Variants in MDN1 observed in about 807,000 individuals in gnomAD.
MDN1 encodes the protein midasin AAA ATPase 1.
Under a neutral mutation model 669.2 loss-of-function variants are expected in MDN1, and 266 were observed. The observed-to-expected ratio is 0.40, with a 90% confidence interval of 0.36 to 0.44. The LOEUF is 0.44. Among genes scored for constraint, MDN1 ranks in the 20% least tolerant of loss-of-function variants. MDN1 has a pLI of 1.00. For synonymous variants in MDN1, 2,385 were observed against 2,457.1 expected (o/e 0.97, Z 0.87); for missense variants, 5,940 against 6,754.0 (o/e 0.88, Z 4.22).
At chr6:89,676,249 C>T in intron 76 of MDN1, 42 bp from the exon 77 acceptor site, 1 of 1,548,556 alleles carries the variant, frequency 6.5e-7, no homozygotes, top group East Asian at 2.2e-5. Flanking sequence ...TAAAACCACG[C>T]TCTCCCACCC....
At chr6:89,719,816 A>G (rs748115069) in intron 40 of MDN1, among the ~76,000 whole-genome samples, 1 of 152,218 alleles carries the variant, frequency 6.6e-6, no homozygotes, top group South Asian at 2.1e-4. Flanking sequence ...TTATCCCTCC[A>G]AACATTTATG....
intron 97 of MDN1, among the ~76,000 whole-genome samples, chr6:89,648,807 T>C (rs554948074): frequency 9.4e-4 from 93 of 98,476 alleles, no homozygotes; most frequent in African/African-American, 3.5e-3. Context: ...CCTGTAACCC[T>C]GTCTTCAAAA....
intron 7 of MDN1, among the ~76,000 whole-genome samples, chr6:89,789,395 T>G (rs961219504): frequency 6.6e-6 from 1 of 152,176 alleles, no homozygotes; most frequent in African/African-American, 2.4e-5. Context: ...CCTCTGTAGC[T>G]GCCACCACTA....
chr6:89,690,645 A>T (rs749004450), intron 64 of MDN1, 28 bp downstream of exon 64: 5 of 1,613,110 alleles, frequency 3.1e-6, no homozygotes, highest in Non-Finnish European at 4.2e-6. Context: ...AATTCATTCC[A>T]AAACACACCC....
intron 77 of MDN1, 114 bp downstream of exon 77, chr6:89,675,988 T>C (rs1324547891): frequency 1.1e-6 from 1 of 880,268 alleles, no homozygotes; most frequent in African/African-American, 1.7e-5. Context: ...TGCAAAAAGC[T>C]CAGTTCCACT....
In MDN1 at chr6:89,695,456, A is replaced by C; in HGVS notation, c.9771+149T>G. 1.0e-6 allele frequency: 1 copy of C among 995,936 alleles called. No individual in the cohort carries two copies. Among genetic ancestry groups the C allele is most frequent in the Non-Finnish European group, 1.4e-6 (1 of 692,130 alleles). The allele number at this position is 995,936 out of a possible 1,614,324, so 61.7% of individuals were successfully genotyped here. ...TCAAAGGGGAAAATACAGTCTCTAAAACAGACTCCTGGGAAGTCATAAGGC... is the reference window on the plus strand; with the variant it reads ...TCAAAGGGGAAAATACAGTCTCTAACACAGACTCCTGGGAAGTCATAAGGC... On this transcript the variant is annotated intron_variant, in intron 61 of 101. Coordinates refer to ENST00000369393, the MANE Select transcript of MDN1 (RefSeq NM_014611.3). The surrounding 1 kb of genome is among the most constrained non-coding windows in gnomAD (Gnocchi z 4.1).
intron 27 of MDN1, 133 bp from the exon 28 acceptor site, chr6:89,745,759 C>G: frequency 1.2e-6 from 1 of 838,646 alleles, no homozygotes; most frequent in Non-Finnish European, 1.8e-6. Context: ...AGAACTAGGA[C>G]AGCCTATTAC....
intron 15 of MDN1, among the ~76,000 whole-genome samples, chr6:89,767,925 C>T (rs1250795665): frequency 6.6e-6 from 1 of 151,874 alleles, no homozygotes; most frequent in Non-Finnish European, 1.5e-5. Flanking sequence ...CCTGTAGTCC[C>T]AACTACTCAG....
chr6:89,732,530 G>A (rs1265182997), intron 34 of MDN1, 27 bp downstream of exon 34: 1 of 1,606,128 alleles, frequency 6.2e-7, no homozygotes, highest in East Asian at 2.2e-5. Flanking sequence ...CGAGCCCCTT[G>A]TCCCCACCAG....
At position 89,671,089 on chromosome 6, in the gene MDN1, A is replaced by G; in HGVS notation, c.13795-9T>C. 2 of 1,612,242 alleles carry G rather than the reference A, an allele frequency of 1.2e-6. No homozygotes were observed. Among genetic ancestry groups the G allele is most frequent in the Non-Finnish European group, 8.5e-7 (1 of 1,179,172 alleles). On this transcript the variant is annotated splice_polypyrimidine_tract_variant and intron_variant, in intron 82 of 101. Coordinates refer to ENST00000369393, the MANE Select transcript of MDN1 (RefSeq NM_014611.3). Reference sequence around the variant, plus strand: ...CAGGATTGGCTGAAGAACTGAGACCAAAACAAAACAAAAGGCCTGCTCACA... The same window carrying G: ...CAGGATTGGCTGAAGAACTGAGACCGAAACAAAACAAAAGGCCTGCTCACA...
chr6:89,680,878 C>A, intron 73 of MDN1, 127 bp from the exon 74 acceptor site: 1 of 1,004,008 alleles, frequency 1.0e-6, no homozygotes, highest in East Asian at 2.6e-5. Flanking sequence ...ACAAATGTAG[C>A]ATCACTAAAA....
chr6:89,672,520 C>G lies in MDN1; in HGVS notation c.13630+27G>C. 3 of 1,601,600 alleles carry G rather than the reference C, an allele frequency of 1.9e-6. 1 individual carries two copies. Among genetic ancestry groups the G allele is most frequent in the Non-Finnish European group, 2.6e-6 (3 of 1,174,310 alleles). ...TACAAAAATTAAATCAGGCATGAAA[C>G]TAATTTCTGCCTGATTTCAGACATA... On this transcript the variant is annotated intron_variant, in intron 81 of 101. Transcript: ENST00000369393.
chr6:89,747,615 G>A (rs1816705448), intron 26 of MDN1, 145 bp from the exon 27 acceptor site: 1 of 958,886 alleles, frequency 1.0e-6, no homozygotes, highest in South Asian at 1.8e-5. Flanking sequence ...TTTTTGGCCG[G>A]GCGTGGTGGC....
At chr6:89,721,893 A>G (rs1473827086) in intron 40 of MDN1, among the ~76,000 whole-genome samples, 3 of 152,216 alleles carry the variant, frequency 2.0e-5, no homozygotes, top group Non-Finnish European at 4.4e-5. Flanking sequence ...ACATGTTCAC[A>G]TTTCAACAAG....
intron 11 of MDN1, among the ~76,000 whole-genome samples, chr6:89,779,338 T>C (rs1818524674): frequency 6.6e-6 from 1 of 152,212 alleles, no homozygotes; most frequent in African/African-American, 2.4e-5. Context: ...CGCTATGATT[T>C]GGTCTTCTGT....
intron 65 of MDN1, 70 bp downstream of exon 65, chr6:89,689,799 CA>C (rs1812254795): frequency 4.6e-6 from 7 of 1,510,116 alleles, no homozygotes; most frequent in Non-Finnish European, 6.3e-6. Context: ...GTGATTGTTA[CA>C]GAGTAGCAAC....
At chr6:89,794,552 G>A in intron 3 of MDN1, 25 bp downstream of exon 3, 2 of 1,603,730 alleles carry the variant, frequency 1.2e-6, no homozygotes, top group Non-Finnish European at 1.7e-6. Context: ...CACTAGAAGT[G>A]CAAAAAAGTC....
At chr6:89,729,268 G>T in intron 35 of MDN1, 129 bp from the exon 36 acceptor site, 1 of 700,214 alleles carries the variant, frequency 1.4e-6, no homozygotes, top group Non-Finnish European at 2.3e-6. Context: ...CAGTGAAAAT[G>T]TTCAATCCCT....
chr6:89,663,471 A>G (rs536834829), intron 85 of MDN1, among the ~76,000 whole-genome samples: 1 of 152,296 alleles, frequency 6.6e-6, no homozygotes, highest in East Asian at 1.9e-4. Context: ...GTCAACTTTC[A>G]TTTCTGCAAG....
Sources: gnomAD v4.1 joint callset for allele counts (sites outside exome capture counted in the v4.1 genomes callset) on GRCh38, gnomAD v4.1.1 for gene constraint, Gnocchi (gnomAD v3.1) non-coding constraint, MANE v1.5 for transcripts, NCBI Gene and HGNC (gene_info 2026-07-23, HGNC 2026-07-21) for gene names.